The following SUGCT variants were observed in gnomAD, a reference collection of about 807,000 sequenced individuals.
SUGCT encodes succinyl-CoA:glutarate CoA-transferase.
SUGCT carries 41 observed loss-of-function variants against 55.0 expected under a neutral mutation model. The ratio of observed to expected loss-of-function variants is 0.74; its 90% confidence interval spans 0.58 to 0.97. The LOEUF (loss-of-function observed/expected upper bound fraction) is 0.97. Among genes scored for constraint, SUGCT ranks in the 50% least tolerant of loss-of-function variants. The probability of loss-of-function intolerance (pLI) is 0.00; values close to 1 mark genes in which losing one functional copy is unlikely to be tolerated. For missense variants in SUGCT, 568 were observed against 547.8 expected (o/e 1.04, Z -0.37); for synonymous variants, 187 against 200.4 (o/e 0.93, Z 0.56).
At chr7:40,136,879 C>A (rs553391017) in intron 1 of SUGCT, among the ~76,000 whole-genome samples, 4 of 152,142 alleles carry the variant, frequency 2.6e-5, no homozygotes, top group South Asian at 4.2e-4. Context: ...CGCCTGTAGT[C>A]CCAGTTGCTT....
At position 40,379,740 on chromosome 7, in the gene SUGCT, C is replaced by A. The variant is rs906304419; in HGVS notation, c.816+62885C>A. ...AGTCCATTGACTCTTCTGCCTTAGT[C>A]TTTACCTCTTTATTGCACAGAGCCT... On this transcript the variant is annotated intron_variant, in intron 9 of 13. Coordinates refer to ENST00000335693, the MANE Select transcript of SUGCT (RefSeq NM_001193313.2). Among the ~76,000 whole-genome samples the A allele has an allele frequency of 2.0e-5, 3 of 152,250 alleles. No individual in the cohort carries two copies. The South Asian group carries it at 6.2e-4, about 32-fold the overall frequency.
chr7:40,823,654 C>A (rs914583554), intron 13 of SUGCT, among the ~76,000 whole-genome samples: 1 of 151,980 alleles, frequency 6.6e-6, no homozygotes, highest in Non-Finnish European at 1.5e-5. Flanking sequence ...AAATGGACCT[C>A]TTAAAAATTT....
At chr7:40,778,779 AT>A in intron 13 of SUGCT, among the ~76,000 whole-genome samples, 1 of 152,308 alleles carries the variant, frequency 6.6e-6, no homozygotes, top group East Asian at 1.9e-4. Flanking sequence ...TTGGAGTATA[AT>A]TTTTGTGTAG....
intron 11 of SUGCT, among the ~76,000 whole-genome samples, chr7:40,495,437 TATTA>T (rs1486958135): frequency 6.6e-6 from 1 of 152,152 alleles, no homozygotes; most frequent in Admixed American, 6.5e-5. Flanking sequence ...TTACCTAGAT[TATTA>T]ATTAATTAAA....
At chr7:40,356,224 T>C (rs1797880840) in intron 9 of SUGCT, among the ~76,000 whole-genome samples, 1 of 152,226 alleles carries the variant, frequency 6.6e-6, no homozygotes, top group Non-Finnish European at 1.5e-5. Context: ...TCAAACAACA[T>C]TAGTTGTCAT....
chr7:40,970,757 G>A, the SUGCT span, among the ~76,000 whole-genome samples: 22 of 152,278 alleles, frequency 1.4e-4, no homozygotes, highest in East Asian at 2.7e-3. Flanking sequence ...ATGAGCATTT[G>A]CCTGGCTGGG....
At chr7:40,415,069 T>TAAA in intron 9 of SUGCT, among the ~76,000 whole-genome samples, 1 of 121,570 alleles carries the variant, frequency 8.2e-6, no homozygotes, top group African/African-American at 3.2e-5. Flanking sequence ...AAAATCTATC[T>TAAA]ATCTATCTAT....
At chr7:41,036,776 A>G in the SUGCT span, among the ~76,000 whole-genome samples, 1 of 152,292 alleles carries the variant, frequency 6.6e-6, no homozygotes, top group East Asian at 1.9e-4. Context: ...CAATCTGTTC[A>G]GTGCTCTCAT....
intron 12 of SUGCT, among the ~76,000 whole-genome samples, chr7:40,509,620 C>T (rs1173676995): frequency 1.3e-5 from 2 of 152,024 alleles, no homozygotes; most frequent in Non-Finnish European, 2.9e-5. Context: ...TTTGCATTCC[C>T]TTTCCTATAA....
rs548381023 is a variant in SUGCT, at chr7:40,567,032, G to A, written c.1089+70646G>A. On this transcript the variant is annotated intron_variant, in intron 12 of 13. Transcript: ENST00000335693. ...TCCCCCCAAAAGCCACATCTAAAAAGGTCACGAAAGGAAACACACAATTCA... is the reference window on the plus strand; with the variant it reads ...TCCCCCCAAAAGCCACATCTAAAAAAGTCACGAAAGGAAACACACAATTCA... Among the ~76,000 whole-genome samples the A allele has an allele frequency of 3.3e-5, 5 of 152,266 alleles. No homozygotes were observed. The East Asian group carries it at 7.7e-4, about 24-fold the overall frequency.
chr7:40,798,099 C>A (rs1435121088), intron 13 of SUGCT, among the ~76,000 whole-genome samples: 1 of 152,210 alleles, frequency 6.6e-6, no homozygotes, highest in Non-Finnish European at 1.5e-5. Context: ...CTCAGCCACA[C>A]ACAGATTCTC....
the SUGCT span, among the ~76,000 whole-genome samples, chr7:40,884,432 T>C: frequency 5.3e-5 from 8 of 152,222 alleles, no homozygotes; most frequent in African/African-American, 1.2e-4. Flanking sequence ...TGTCCCTTTA[T>C]GACTGAGTTT....
intron 1 of SUGCT, among the ~76,000 whole-genome samples, chr7:40,138,458 T>C (rs1352658794): frequency 2.0e-5 from 3 of 152,234 alleles, no homozygotes; most frequent in African/African-American, 4.8e-5. Context: ...GATAAACATA[T>C]GAGTGCAGGT....
At chr7:40,661,310 G>GT (rs1801292092) in intron 12 of SUGCT, among the ~76,000 whole-genome samples, 1 of 152,086 alleles carries the variant, frequency 6.6e-6, no homozygotes, top group Non-Finnish European at 1.5e-5. Context: ...AACCGCTTCA[G>GT]TTTTTTTCTT....
chr7:40,795,526 A>C (rs927090250), intron 13 of SUGCT, among the ~76,000 whole-genome samples: 2 of 152,122 alleles, frequency 1.3e-5, no homozygotes, highest in Non-Finnish European at 2.9e-5. Flanking sequence ...AGAAAAATAA[A>C]ATCTTAAGTA....
the SUGCT span, among the ~76,000 whole-genome samples, chr7:40,899,447 T>G: frequency 1.3e-5 from 2 of 152,122 alleles, no homozygotes; most frequent in Non-Finnish European, 2.9e-5. Context: ...GCCATTTACC[T>G]CTGTGAAGCA....
At chr7:40,256,360 G>A (rs1646906374) in intron 7 of SUGCT, among the ~76,000 whole-genome samples, 1 of 152,170 alleles carries the variant, frequency 6.6e-6, no homozygotes, top group Admixed American at 6.5e-5. Flanking sequence ...TCTATACAAT[G>A]AAGATTCCAT....
chr7:40,762,922 C>T (rs1788606370), intron 13 of SUGCT, among the ~76,000 whole-genome samples: 1 of 151,904 alleles, frequency 6.6e-6, no homozygotes. Context: ...AAGTTATTCT[C>T]CTGCCTCAGC....
intron 13 of SUGCT, among the ~76,000 whole-genome samples, chr7:40,841,082 A>G (rs1005941319): frequency 2.6e-5 from 4 of 152,030 alleles, no homozygotes; most frequent in Non-Finnish European, 5.9e-5. Context: ...TATATTACTT[A>G]GACTTTTTTT....
Sources: gnomAD v4.1 joint callset for allele counts (sites outside exome capture counted in the v4.1 genomes callset) on GRCh38, gnomAD v4.1.1 for gene constraint, MANE v1.5 for transcripts, NCBI Gene and HGNC (gene_info 2026-07-23, HGNC 2026-07-21) for gene names.